Variants in TMTC1 observed in about 807,000 individuals in gnomAD.
TMTC1 encodes transmembrane O-mannosyltransferase targeting cadherins 1.
TMTC1 carries 73 observed loss-of-function variants against 104.8 expected under a neutral mutation model. The ratio of observed to expected loss-of-function variants is 0.70; its 90% CI spans 0.58 to 0.85. The LOEUF (loss-of-function observed/expected upper bound fraction) is 0.85. TMTC1 is among the 40% of genes least tolerant of loss of function. The pLI is 0.00. For synonymous variants in TMTC1, 434 were observed against 428.7 expected, an observed-to-expected ratio of 1.01 and a Z score of -0.15; for missense variants, 1,035 against 1,096.1, an observed-to-expected ratio of 0.94 and a Z score of 0.79.
At chr12:29,774,877 G>C (rs1943672426) in intron 1 of TMTC1, among the ~76,000 whole-genome samples, 1 of 152,166 alleles carries the variant, frequency 6.6e-6, no homozygotes, top group African/African-American at 2.4e-5. Flanking sequence ...AGTCCAGAGG[G>C]GAGATTGATA....
intron 2 of TMTC1, among the ~76,000 whole-genome samples, chr12:29,764,981 T>C (rs975925608): frequency 6.6e-6 from 1 of 152,242 alleles, no homozygotes; most frequent in Non-Finnish European, 1.5e-5. Flanking sequence ...TCATTTGTTC[T>C]TTCACGCAGT....
intron 6 of TMTC1, among the ~76,000 whole-genome samples, chr12:29,613,504 C>T (rs1275098423): frequency 1.3e-5 from 2 of 152,138 alleles, no homozygotes; most frequent in Non-Finnish European, 2.9e-5. Flanking sequence ...GACTGTGGCA[C>T]AAGTAATGCC....
At chr12:29,763,152 T>C (rs1943390309) in intron 2 of TMTC1, among the ~76,000 whole-genome samples, 1 of 152,228 alleles carries the variant, frequency 6.6e-6, no homozygotes, top group Non-Finnish European at 1.5e-5. Context: ...CTTCTTGCAT[T>C]GCAGCCAGTT....
chr12:29,627,698 A>G (rs975360163), intron 6 of TMTC1, among the ~76,000 whole-genome samples: 18 of 152,090 alleles, frequency 1.2e-4, no homozygotes, highest in African/African-American at 4.1e-4. Flanking sequence ...CAAAAAAAAA[A>G]AAAAAAACCA....
At chr12:29,522,001 T>A (rs1306513248) in intron 11 of TMTC1, among the ~76,000 whole-genome samples, 2 of 152,236 alleles carry the variant, frequency 1.3e-5, no homozygotes, top group Non-Finnish European at 2.9e-5. Context: ...CAAAATGTCA[T>A]CTTTTCCTAG....
chr12:29,543,114 C>A (rs1201158766), intron 10 of TMTC1, among the ~76,000 whole-genome samples: 1 of 152,118 alleles, frequency 6.6e-6, no homozygotes, highest in African/African-American at 2.4e-5. Context: ...GAAATTAGAT[C>A]TTGTTTAGAA....
intron 11 of TMTC1, among the ~76,000 whole-genome samples, chr12:29,521,566 CTTTTTTTTTT>C (rs3036151): frequency 2.2e-5 from 2 of 89,642 alleles, no homozygotes; most frequent in Non-Finnish European, 5.1e-5. Flanking sequence ...TTCTTTCTTT[CTTTTTTTTTT>C]TTTTTTTGAG....
chr12:29,550,590 G>A (rs545513751), intron 10 of TMTC1, among the ~76,000 whole-genome samples: 10 of 152,214 alleles, frequency 6.6e-5, no homozygotes, highest in African/African-American at 2.2e-4. Flanking sequence ...GGAGCATTTC[G>A]GAGTTCAAAT....
chr12:29,683,585 CT>C (rs1263156255), intron 5 of TMTC1, among the ~76,000 whole-genome samples: 2 of 152,160 alleles, frequency 1.3e-5, no homozygotes, highest in Non-Finnish European at 2.9e-5. Context: ...TAAATAAACA[CT>C]AAATCATGGT....
chr12:29,732,507 C>T (rs1049372486), intron 5 of TMTC1, among the ~76,000 whole-genome samples: 7 of 152,156 alleles, frequency 4.6e-5, no homozygotes, highest in African/African-American at 1.7e-4. Flanking sequence ...TCAGAGATTG[C>T]CTTAAAGGCC....
chr12:29,722,582 T>C (rs990904163), intron 5 of TMTC1, among the ~76,000 whole-genome samples: 7 of 152,188 alleles, frequency 4.6e-5, no homozygotes, highest in Non-Finnish European at 8.8e-5. Flanking sequence ...GGTATGATTG[T>C]ATATGTCGAT....
chr12:29,596,448 C>G (rs774066186), intron 7 of TMTC1, among the ~76,000 whole-genome samples: 2 of 152,170 alleles, frequency 1.3e-5, no homozygotes, highest in Non-Finnish European at 2.9e-5. Context: ...AAATGCACAG[C>G]CTTTCTCCCT....
chr12:29,584,685 C>G, intron 7 of TMTC1, among the ~76,000 whole-genome samples: 1 of 151,894 alleles, frequency 6.6e-6, no homozygotes, highest in South Asian at 2.1e-4. Context: ...TGAGAACATG[C>G]GGTGTTTGGT....
intron 16 of TMTC1, among the ~76,000 whole-genome samples, chr12:29,513,637 C>T (rs1053617586): frequency 6.6e-5 from 10 of 152,060 alleles, no homozygotes; most frequent in Admixed American, 3.3e-4. Context: ...TTTATGACTT[C>T]AATAATTTGT....
At chr12:29,511,831 T>C (rs1276903796) in intron 17 of TMTC1, among the ~76,000 whole-genome samples, 2 of 152,364 alleles carry the variant, frequency 1.3e-5, no homozygotes, top group East Asian at 3.9e-4. Context: ...TATACAGATT[T>C]ATTTTTAAAA....
At position 29,617,567 on chromosome 12, in the gene TMTC1, AGAT is replaced by A. The variant is rs1314517480; in HGVS notation, c.1129-13271_1129-13269del. 6.9e-3 allele frequency among the ~76,000 whole-genome samples: 1,037 copies of A among 151,330 alleles called. 9 individuals are homozygous for A. Among genetic ancestry groups the A allele is most frequent in the African/African-American group, 0.024 (992 of 40,796 alleles). ...GAGAGAGAGAGAGAGAGAGAGAGAG[AGAT>A]AAAAACCCTGCCTTTCCAGAGAGGA... On this transcript the variant is annotated intron_variant, in intron 6 of 17. Transcript: ENST00000539277.
At chr12:29,694,404 T>G (rs1941353682) in intron 5 of TMTC1, among the ~76,000 whole-genome samples, 1 of 152,068 alleles carries the variant, frequency 6.6e-6, no homozygotes, top group African/African-American at 2.4e-5. Context: ...AGTATTTGCA[T>G]GTAATCTACA....
At chr12:29,753,177 G>A (rs1943133126) in intron 4 of TMTC1, among the ~76,000 whole-genome samples, 1 of 152,194 alleles carries the variant, frequency 6.6e-6, no homozygotes, top group African/African-American at 2.4e-5. Context: ...GTGCTAAGAT[G>A]TTTATTCTAA....
intron 2 of TMTC1, among the ~76,000 whole-genome samples, chr12:29,762,402 G>T (rs190068041): frequency 2.8e-4 from 43 of 152,216 alleles, no homozygotes; most frequent in Admixed American, 1.3e-3. Context: ...TCAGAGAAAG[G>T]GGGTGGAACT....
Sources: gnomAD v4.1 joint callset for allele counts (sites outside exome capture counted in the v4.1 genomes callset) on GRCh38, gnomAD v4.1.1 for gene constraint, MANE v1.5 for transcripts, NCBI Gene and HGNC (gene_info 2026-07-23, HGNC 2026-07-21) for gene names.